The following MAPRE2 variants were observed in gnomAD, a reference collection of about 807,000 sequenced individuals.
MAPRE2 encodes microtubule-associated protein RP/EB family member 2.
In MAPRE2, 13 loss-of-function variants were observed where a neutral mutation model predicts 43.2. The ratio of observed to expected loss-of-function variants is 0.30; its 90% CI spans 0.20 to 0.48. The LOEUF (loss-of-function observed/expected upper bound fraction) is 0.48. Among genes scored for constraint, MAPRE2 ranks in the 20% least tolerant of loss-of-function variants. The pLI, the probability that MAPRE2 is intolerant of heterozygous loss-of-function variation, is 0.99. For synonymous variants in MAPRE2, 135 were observed against 148.8 expected (o/e 0.91, Z 0.68); for missense variants, 161 against 400.2 (o/e 0.40, Z 5.10).
intron 2 of MAPRE2, among the ~76,000 whole-genome samples, chr18:35,015,837 G>T (rs1224246003): frequency 6.6e-6 from 1 of 151,860 alleles, no homozygotes; most frequent in Non-Finnish European, 1.5e-5. Flanking sequence ...GATTCTTGGG[G>T]TACACATGCA....
chr18:35,139,236 G>A (rs760466914), intron 6 of MAPRE2, among the ~76,000 whole-genome samples: 4 of 152,206 alleles, frequency 2.6e-5, no homozygotes, highest in Non-Finnish European at 5.9e-5. Flanking sequence ...TTCAGTGCTC[G>A]GGAGCCAGCG....
At chr18:35,042,687 T>A (rs1905427742) in intron 1 of MAPRE2, among the ~76,000 whole-genome samples, 1 of 152,208 alleles carries the variant, frequency 6.6e-6, no homozygotes, top group Non-Finnish European at 1.5e-5. Flanking sequence ...GTTACCTTGA[T>A]AAACGCTAAC....
rs1386802141 is a variant in MAPRE2, at chr18:34,994,989, C to T, written c.-69-10503C>T. Among the ~76,000 whole-genome samples the T allele has an allele frequency of 2.0e-5, 3 of 151,990 alleles. No homozygotes were observed. In the East Asian group the frequency reaches 5.8e-4, roughly 29 times the overall value. ...TAACCCATAAAAGTATTAACTTATACCAGTATGTTAACCTCTAACCAACTC... is the reference window on the plus strand; with the variant it reads ...TAACCCATAAAAGTATTAACTTATATCAGTATGTTAACCTCTAACCAACTC... On this transcript the variant is annotated intron_variant, in intron 1 of 7. Coordinates refer to the MAPRE2 transcript ENST00000413393.
At chr18:35,139,358 A>G (rs1163501506) in intron 6 of MAPRE2, among the ~76,000 whole-genome samples, 2 of 152,204 alleles carry the variant, frequency 1.3e-5, no homozygotes, top group East Asian at 1.9e-4. Flanking sequence ...TTGATTAGCC[A>G]TGCTCCCTCA....
At chr18:35,070,115 G>T in intron 1 of MAPRE2, 80 bp from the exon 2 acceptor site, 2 of 1,314,082 alleles carry the variant, frequency 1.5e-6, no homozygotes, top group Non-Finnish European at 2.1e-6. Context: ...AGTCCTGCCA[G>T]GATCTTGACC....
At chr18:35,048,164 C>T (rs1424215492) in intron 1 of MAPRE2, among the ~76,000 whole-genome samples, 2 of 152,132 alleles carry the variant, frequency 1.3e-5, no homozygotes, top group African/African-American at 4.8e-5. Context: ...AGGCATGTCT[C>T]ATGGCCAGAG....
At chr18:35,094,054 G>A (rs958974096) in intron 2 of MAPRE2, among the ~76,000 whole-genome samples, 1 of 152,062 alleles carries the variant, frequency 6.6e-6, no homozygotes, top group Non-Finnish European at 1.5e-5. Flanking sequence ...AATAAGCAAT[G>A]GTGAAATACC....
At chr18:34,978,605 A>G in intron 1 of MAPRE2, 2 of 1,454,278 alleles carry the variant, frequency 1.4e-6, no homozygotes, top group Non-Finnish European at 1.9e-6. Flanking sequence ...CCAAATTTTT[A>G]TCAAGCAAAA....
At chr18:34,989,572 G>T (rs543163255) in intron 1 of MAPRE2, among the ~76,000 whole-genome samples, 1 of 152,248 alleles carries the variant, frequency 6.6e-6, no homozygotes, top group East Asian at 1.9e-4. Flanking sequence ...AAATTGCCAG[G>T]CATGGTGCCG....
At chr18:35,067,280 T>C (rs1382007973) in intron 1 of MAPRE2, among the ~76,000 whole-genome samples, 1 of 152,232 alleles carries the variant, frequency 6.6e-6, no homozygotes, top group Non-Finnish European at 1.5e-5. Flanking sequence ...TGCCTTGACT[T>C]ACCTTTGTGA....
chr18:35,063,380 T>C (rs891022828), intron 1 of MAPRE2, among the ~76,000 whole-genome samples: 1 of 152,042 alleles, frequency 6.6e-6, no homozygotes, highest in Admixed American at 6.5e-5. Context: ...GTGCTGGGAT[T>C]ACAGGCGTGA....
intron 2 of MAPRE2, among the ~76,000 whole-genome samples, chr18:35,093,840 T>C (rs1908275063): frequency 1.3e-5 from 2 of 152,194 alleles, no homozygotes; most frequent in African/African-American, 4.8e-5. Flanking sequence ...GAATAAGCTC[T>C]GGCATTCTGT....
At chr18:35,022,898 A>G (rs2097042821) in intron 2 of MAPRE2, among the ~76,000 whole-genome samples, 1 of 152,210 alleles carries the variant, frequency 6.6e-6, no homozygotes, top group African/African-American at 2.4e-5. Context: ...AAAGGTTGTA[A>G]AAGTAACCAC....
intron 2 of MAPRE2, among the ~76,000 whole-genome samples, chr18:35,076,267 A>C (rs192836811): frequency 4.6e-5 from 7 of 152,360 alleles, no homozygotes; most frequent in South Asian, 2.1e-4. Flanking sequence ...ATTGCCCTCA[A>C]ATAGCTCAGT....
chr18:35,097,564 A>T lies in MAPRE2; in HGVS notation c.369A>T (p.Ala123=), dbSNP rs1340148827. Residue 123 remains alanine (A), a synonymous_variant, in exon 3 of 7, where the codon GCA becomes GCT. Transcript: ENST00000300249. Reference sequence around the variant, plus strand: ...TTCACAATTTTAAACTTCTGCAAGCATCATTTAAGCGAATGAACGTTGATA... The same window carrying T: ...TTCACAATTTTAAACTTCTGCAAGCTTCATTTAAGCGAATGAACGTTGATA... ...EYIHNFKLLQ[A]SFKRMNVDKV... is the part of the protein sequence containing the mutation. The T allele has an allele frequency of 3.7e-6, 6 of 1,613,358 alleles. No individual in the cohort carries two copies. Among genetic ancestry groups the T allele is most frequent in the East Asian group, 2.2e-5 (1 of 44,872 alleles).
At chr18:35,097,033 C>T (rs1186406785) in intron 2 of MAPRE2, among the ~76,000 whole-genome samples, 7 of 152,064 alleles carry the variant, frequency 4.6e-5, no homozygotes, top group Non-Finnish European at 1.0e-4. Flanking sequence ...CTCTCTTTTT[C>T]CTCTTAAGTT....
chr18:35,139,197 G>T (rs1426862826), intron 6 of MAPRE2, among the ~76,000 whole-genome samples: 1 of 152,204 alleles, frequency 6.6e-6, no homozygotes, highest in Non-Finnish European at 1.5e-5. Flanking sequence ...AGGAAGAGGG[G>T]CCCGACAGAC....
At chr18:34,989,996 C>A (rs928245084) in intron 1 of MAPRE2, among the ~76,000 whole-genome samples, 2 of 152,180 alleles carry the variant, frequency 1.3e-5, no homozygotes, top group Admixed American at 1.3e-4. Context: ...GCATGGCAAT[C>A]CATTGAAGAT....
intron 3 of MAPRE2, among the ~76,000 whole-genome samples, chr18:35,100,479 G>C (rs1394659424): frequency 6.6e-6 from 1 of 152,136 alleles, no homozygotes; most frequent in African/African-American, 2.4e-5. Context: ...ACCCAAAAGA[G>C]TAGAAATCGT....
Sources: gnomAD v4.1 joint callset for allele counts (sites outside exome capture counted in the v4.1 genomes callset) on GRCh38, gnomAD v4.1.1 for gene constraint, MANE v1.5 for transcripts, NCBI Gene and HGNC (gene_info 2026-07-23, HGNC 2026-07-21) for gene names.